ITSN1: variants seen among roughly 807,000 people sequenced by gnomAD.
ITSN1 encodes the protein intersectin 1.
In ITSN1, 58 loss-of-function variants were observed where a neutral mutation model predicts 239.8. That is an observed-to-expected ratio of 0.24 (90% CI 0.20 to 0.30). ITSN1 has a LOEUF of 0.30. ITSN1 is among the 10% of genes least tolerant of loss of function. The pLI, the probability that ITSN1 is intolerant of heterozygous loss-of-function variation, is 1.00. For synonymous variants in ITSN1, 780 were observed against 770.8 expected (o/e 1.01, Z -0.20); for missense variants, 1,558 against 2,103.3 (o/e 0.74, Z 5.07).
At chr21:33,713,039 A>G (rs1231200532) in intron 1 of ITSN1, among the ~76,000 whole-genome samples, 1 of 150,816 alleles carries the variant, frequency 6.6e-6, no homozygotes, top group African/African-American at 2.4e-5. Flanking sequence ...CACCACGCCC[A>G]TCTAATTTTT....
chr21:33,648,939 G>T (rs1232904966), intron 1 of ITSN1, among the ~76,000 whole-genome samples: 1 of 152,280 alleles, frequency 6.6e-6, no homozygotes, highest in East Asian at 1.9e-4. Context: ...CTCATCAACT[G>T]TCCAGCATTC....
intron 16 of ITSN1, among the ~76,000 whole-genome samples, chr21:33,783,707 AT>A (rs1373608892): frequency 8.1e-5 from 12 of 148,864 alleles, no homozygotes; most frequent in South Asian, 4.2e-4. Flanking sequence ...AAAAAAAAAA[AT>A]AGCACTGTTG....
intron 23 of ITSN1, 24 bp downstream of exon 23, chr21:33,818,496 T>C (rs745584624): frequency 5.7e-6 from 9 of 1,573,512 alleles, no homozygotes; most frequent in Non-Finnish European, 7.9e-6. Context: ...TATCTGCTTG[T>C]ATTTGATGAA....
At chr21:33,806,797 C>T (rs9979937) in intron 20 of ITSN1, among the ~76,000 whole-genome samples, 17,331 of 152,144 alleles carry the variant, frequency 0.11, 1,373 homozygotes, top group East Asian at 0.41. Flanking sequence ...CCTTATAGCC[C>T]CCAGTAGGTA....
At chr21:33,854,025 C>A (rs1026322355) in intron 29 of ITSN1, among the ~76,000 whole-genome samples, 6 of 152,198 alleles carry the variant, frequency 3.9e-5, no homozygotes, top group Non-Finnish European at 7.3e-5. Flanking sequence ...AGTGGTTAGT[C>A]CTAGCCTCAT....
At chr21:33,656,802 C>T (rs2089129533) in intron 1 of ITSN1, among the ~76,000 whole-genome samples, 1 of 152,180 alleles carries the variant, frequency 6.6e-6, no homozygotes, top group African/African-American at 2.4e-5. Flanking sequence ...CCTCCGCCTA[C>T]CAGGTTCAAG....
At position 33,885,049 on chromosome 21, in the gene ITSN1, G is replaced by A; in HGVS notation, c.4685G>A (p.Trp1562Ter). Reference sequence around the variant, plus strand: ...GTCTTTTTCTGTCCAAGGACTGCCTGGGTGCAGAAAATCAAAGCTGCTTCT... The same window carrying A: ...GTCTTTTTCTGTCCAAGGACTGCCTAGGTGCAGAAAATCAAAGCTGCTTCT... Reference protein sequence around the residue: ...RAESINERTAWVQKIKAASEL... With the variant: ...RAESINERTA The change falls in exon 37 of 40, where the codon TGG (tryptophan) becomes TAG (stop). Residue 1562 changes from tryptophan (W) to a stop codon, truncating the protein, a stop_gained. Coordinates refer to ENST00000381318, the MANE Select transcript of ITSN1 (RefSeq NM_003024.3). LOFTEE classifies it high-confidence loss of function. The A allele has an allele frequency of 1.2e-6, 2 of 1,613,940 alleles. No individual in the cohort carries two copies. Among genetic ancestry groups the A allele is most frequent in the Non-Finnish European group, 8.5e-7 (1 of 1,179,822 alleles).
Position 33,883,588 on chromosome 21 carries a change from C to A in ITSN1, c.4593C>A (p.Thr1531=), listed in dbSNP as rs762177537. 1 of 1,613,720 alleles carries A rather than the reference C, an allele frequency of 6.2e-7. No homozygotes were observed. Among genetic ancestry groups the A allele is most frequent in the African/African-American group, 1.3e-5 (1 of 74,912 alleles). Residue 1531 remains threonine, a synonymous_variant, in exon 36 of 40, where the codon ACC becomes ACA. Coordinates refer to ENST00000381318, the MANE Select transcript of ITSN1 (RefSeq NM_003024.3). ...FLNEVLVKLP[T]DPSGDEPIFH... ...ATGAGGTTCTAGTAAAATTACCCAC[C>A]GACCCTTCTGGAGACGAGCCCATCT...
At chr21:33,752,869 A>G (rs139919908) in intron 7 of ITSN1, among the ~76,000 whole-genome samples, 2,449 of 152,238 alleles carry the variant, frequency 0.016, 31 homozygotes, top group Middle Eastern at 0.031. Flanking sequence ...TCTTATGTCA[A>G]TCCTCACTAG....
chr21:33,880,981 G>A (rs911933838), intron 34 of ITSN1, among the ~76,000 whole-genome samples: 19 of 152,118 alleles, frequency 1.2e-4, no homozygotes, highest in South Asian at 1.2e-3. Flanking sequence ...GCGTTTCAGC[G>A]CCCACCGTGT....
At chr21:33,735,387 C>G (rs1026341558) in intron 5 of ITSN1, 183 bp downstream of exon 5, 2 of 709,418 alleles carry the variant, frequency 2.8e-6, no homozygotes, top group Non-Finnish European at 2.5e-6. Context: ...ACATTTGAAC[C>G]CTGGGATGTA....
Position 33,741,000 on chromosome 21 carries a change from T to C in ITSN1, c.346+5796T>C, listed in dbSNP as rs74275634. On this transcript the variant is annotated intron_variant, in intron 5 of 39. Transcript: ENST00000381318. ...ATGTAAGAGAAGATTTCTAACAAAT[T>C]TGGAAGCTTAAAAGATGCTTTTACC... Among the ~76,000 whole-genome samples, 233 of 152,326 alleles carry C rather than the reference T, an allele frequency of 1.5e-3. 5 individuals are homozygous for C. The East Asian group carries it at 0.042, about 27-fold the overall frequency.
chr21:33,844,001 T>C (rs2074909813), intron 29 of ITSN1, among the ~76,000 whole-genome samples: 1 of 152,150 alleles, frequency 6.6e-6, no homozygotes, highest in African/African-American at 2.4e-5. Flanking sequence ...AGCAGGTAGG[T>C]TGTGTGCATT....
In ITSN1 at chr21:33,717,383, A is replaced by G. The variant is rs144383306; in HGVS notation, c.-32-1414A>G. 4.2e-3 allele frequency among the ~76,000 whole-genome samples: 636 copies of G among 150,840 alleles called. 8 individuals carry two copies. The highest frequency in any genetic ancestry group is 0.015 in the African/African-American group (603 of 41,090). ...GGCTAATTTTTGTATTTTTACTAGAAACAGGGTTTTGCCATGTTGCCCAGG... is the reference window on the plus strand; with the variant it reads ...GGCTAATTTTTGTATTTTTACTAGAGACAGGGTTTTGCCATGTTGCCCAGG... On this transcript the variant is annotated intron_variant, in intron 1 of 39. Transcript: ENST00000381318.
At chr21:33,767,555 T>C (rs1317189212) in intron 10 of ITSN1, among the ~76,000 whole-genome samples, 158 bp from the exon 11 acceptor site, 1 of 152,232 alleles carries the variant, frequency 6.6e-6, no homozygotes, top group Admixed American at 6.5e-5. Context: ...AAAAAACTCT[T>C]TGTAAATAGA....
chr21:33,787,522 G>A (rs559914998), intron 16 of ITSN1, among the ~76,000 whole-genome samples: 1 of 152,318 alleles, frequency 6.6e-6, no homozygotes, highest in Admixed American at 6.5e-5. Context: ...AAGGCCAGTT[G>A]TAGTAAATGA....
At chr21:33,862,034 A>G (rs920619151) in intron 31 of ITSN1, among the ~76,000 whole-genome samples, 1 of 146,354 alleles carries the variant, frequency 6.8e-6, no homozygotes, top group East Asian at 2.1e-4. Context: ...GTGGTGGCGC[A>G]TGCCTGTAAT....
chr21:33,854,031 C>T (rs960107554), intron 29 of ITSN1, among the ~76,000 whole-genome samples: 1 of 152,196 alleles, frequency 6.6e-6, no homozygotes, highest in Non-Finnish European at 1.5e-5. Context: ...TAGTCCTAGC[C>T]TCATAGTAGG....
intron 25 of ITSN1, among the ~76,000 whole-genome samples, chr21:33,824,327 G>A (rs1452590888): frequency 3.3e-5 from 5 of 152,190 alleles, no homozygotes; most frequent in Admixed American, 6.5e-5. Context: ...CTACCACAGA[G>A]CATGGGAGTC....
Sources: gnomAD v4.1 joint callset for allele counts (sites outside exome capture counted in the v4.1 genomes callset) on GRCh38, gnomAD v4.1.1 for gene constraint, MANE v1.5 for transcripts, NCBI Gene and HGNC (gene_info 2026-07-23, HGNC 2026-07-21) for gene names.